KALRN: variants seen among roughly 807,000 people sequenced by gnomAD.
KALRN encodes the protein kalirin RhoGEF kinase.
Under a neutral mutation model 353.7 loss-of-function variants are expected in KALRN, and 70 were observed. The observed-to-expected ratio is 0.20, with a 90% CI of 0.16 to 0.24. The LOEUF is 0.24. KALRN is among the 10% of genes least tolerant of loss of function. KALRN has a pLI of 1.00. For missense variants in KALRN, 2,791 were observed against 3,756.7 expected (o/e 0.74, Z 6.72); for synonymous variants, 1,391 against 1,434.8 (o/e 0.97, Z 0.69).
At chr3:124,307,249 C>A (rs189379616) in intron 6 of KALRN, among the ~76,000 whole-genome samples, 8 of 152,070 alleles carry the variant, frequency 5.3e-5, no homozygotes, top group Admixed American at 3.9e-4. Context: ...TTGGTAGGAG[C>A]AAATTTGTAG....
chr3:124,170,637 T>C (rs1191053964), intron 1 of KALRN, among the ~76,000 whole-genome samples: 1 of 152,044 alleles, frequency 6.6e-6, no homozygotes, highest in Admixed American at 6.6e-5. Flanking sequence ...AAGTTGTAGA[T>C]CAATAAAAGC....
intron 37 of KALRN, among the ~76,000 whole-genome samples, chr3:124,640,005 T>C (rs982775155): frequency 6.6e-5 from 10 of 152,358 alleles, no homozygotes; most frequent in Admixed American, 2.0e-4. Context: ...ATCTCAGCCA[T>C]GCTTGGGAGC....
At chr3:124,119,622 C>A (rs1268019594) in intron 1 of KALRN, among the ~76,000 whole-genome samples, 1 of 152,184 alleles carries the variant, frequency 6.6e-6, no homozygotes. Context: ...TCCAGGCTGT[C>A]CCAACATGAG....
rs551229506 is a variant in KALRN, at chr3:124,607,744, G to A, written c.5183-24676G>A. 3.3e-5 allele frequency among the ~76,000 whole-genome samples: 5 copies of A among 151,888 alleles called. No individual in the cohort carries two copies. In the East Asian group the frequency reaches 9.7e-4, roughly 30 times the overall value. ...TGATTCTCCTGCCTCAGCCTCTCAA[G>A]TAGTTGGGATTATAGACATGTACCA... is the stretch of plus-strand genomic sequence containing the variant. On this transcript the variant is annotated intron_variant, in intron 34 of 59. Transcript: ENST00000682506.
chr3:124,193,464 G>T (rs1285291310), intron 1 of KALRN, among the ~76,000 whole-genome samples: 1 of 150,472 alleles, frequency 6.6e-6, no homozygotes, highest in African/African-American at 2.4e-5. Flanking sequence ...TTAATTCTTA[G>T]TATGATTTTT....
chr3:124,537,765 G>A (rs1266267829), intron 33 of KALRN, among the ~76,000 whole-genome samples: 1 of 152,220 alleles, frequency 6.6e-6, no homozygotes, highest in Non-Finnish European at 1.5e-5. Context: ...GAAAGACTGA[G>A]AGGTTGATCT....
chr3:124,429,996 G>A (rs754598511), intron 15 of KALRN, among the ~76,000 whole-genome samples: 2 of 152,196 alleles, frequency 1.3e-5, no homozygotes, highest in Non-Finnish European at 1.5e-5. Context: ...GGGTATTCTC[G>A]ATTACTTCAA....
chr3:124,487,133 C>G (rs16835527), intron 28 of KALRN, among the ~76,000 whole-genome samples: 21,722 of 152,140 alleles, frequency 0.14, 1,914 homozygotes, highest in Non-Finnish European at 0.19. Context: ...GTTTGCAGAT[C>G]TGTTGCTTAA....
intron 34 of KALRN, among the ~76,000 whole-genome samples, chr3:124,586,191 C>G (rs2149310577): frequency 6.6e-6 from 1 of 152,218 alleles, no homozygotes; most frequent in East Asian, 1.9e-4. Flanking sequence ...AAGTCTGATT[C>G]AGAAACATTC....
chr3:124,408,350 T>A (rs764155509), intron 13 of KALRN, among the ~76,000 whole-genome samples: 2 of 152,038 alleles, frequency 1.3e-5, no homozygotes, highest in Non-Finnish European at 2.9e-5. Flanking sequence ...AAGAAAGATA[T>A]CCCCCAAAAT....
rs187035492 is a variant in KALRN, at chr3:124,455,441, G to A, written c.3735+82G>A. On this transcript the variant is annotated intron_variant, in intron 22 of 59. Coordinates refer to ENST00000682506, the MANE Select transcript of KALRN (RefSeq NM_001388419.1). ...CTGCCCTCATCGCCATGGAAGAAAA[G>A]CATGTTTCCAGAGCAGTTCTTCTGA... 1.7e-5 allele frequency: 23 copies of A among 1,387,558 alleles called. No individual in the cohort carries two copies. The African/African-American group carries it at 2.9e-4, about 17-fold the overall frequency. 86.0% of individuals were successfully genotyped at this position (1,387,558 alleles called of 1,614,324 possible). A position where few individuals can be genotyped will look rare whatever the true frequency, so the allele number is the denominator to read the frequency against.
chr3:124,041,433 A>G (rs887835290), intron 1 of KALRN, among the ~76,000 whole-genome samples: 1 of 152,178 alleles, frequency 6.6e-6, no homozygotes, highest in Non-Finnish European at 1.5e-5. Context: ...GCCTCTTCTG[A>G]CAAGTATTAT....
At chr3:124,271,199 G>A (rs1430784551) in intron 5 of KALRN, among the ~76,000 whole-genome samples, 2 of 152,176 alleles carry the variant, frequency 1.3e-5, no homozygotes, top group African/African-American at 2.4e-5. Flanking sequence ...CTGGGGCAGG[G>A]AATCTGCTTT....
At chr3:124,624,227 A>T (rs1349974885) in intron 34 of KALRN, among the ~76,000 whole-genome samples, 1 of 152,154 alleles carries the variant, frequency 6.6e-6, no homozygotes, top group East Asian at 1.9e-4. Context: ...CAGTTATCGG[A>T]TCAATTGTCC....
At chr3:124,136,448 T>C (rs1403679606) in intron 1 of KALRN, among the ~76,000 whole-genome samples, 1 of 152,150 alleles carries the variant, frequency 6.6e-6, no homozygotes, top group South Asian at 2.1e-4. Context: ...AGGAGGCACT[T>C]GTTCATTACA....
chr3:124,191,410 C>T (rs1410020850), intron 1 of KALRN, among the ~76,000 whole-genome samples: 1 of 152,180 alleles, frequency 6.6e-6, no homozygotes, highest in Non-Finnish European at 1.5e-5. Flanking sequence ...GCCTAGGGGC[C>T]CCCAGCCACC....
intron 6 of KALRN, among the ~76,000 whole-genome samples, chr3:124,323,895 G>C (rs529684359): frequency 3.3e-5 from 5 of 152,212 alleles, no homozygotes; most frequent in Non-Finnish European, 7.3e-5. Flanking sequence ...ATCTGCAGGT[G>C]ATTCTCATGC....
chr3:124,493,389 A>C (rs56108863), intron 32 of KALRN, among the ~76,000 whole-genome samples: 3,510 of 152,214 alleles, frequency 0.023, 63 homozygotes, highest in Non-Finnish European at 0.037. Flanking sequence ...ACCTATGATA[A>C]GCAACGTCAT....
At position 124,170,624 on chromosome 3, in the gene KALRN, G is replaced by T. The variant is rs76622292; in HGVS notation, c.74-57366G>T. 5.4e-3 allele frequency among the ~76,000 whole-genome samples: 815 copies of T among 152,170 alleles called. 9 individuals are homozygous for T. The highest frequency in any genetic ancestry group is 0.019 in the African/African-American group (776 of 41,516). On this transcript the variant is annotated intron_variant, in intron 1 of 59. Transcript: ENST00000682506. ...GACGTTTTCCTCTTGAGTACACACA[G>T]AGAAGTTGTAGATCAATAAAAGCAA...
Sources: gnomAD v4.1 joint callset for allele counts (sites outside exome capture counted in the v4.1 genomes callset) on GRCh38, gnomAD v4.1.1 for gene constraint, MANE v1.5 for transcripts, NCBI Gene and HGNC (gene_info 2026-07-23, HGNC 2026-07-21) for gene names.